Variants in GSTA1 observed in about 807,000 individuals in gnomAD.
GSTA1 encodes glutathione S-transferase A1.
A neutral mutation model predicts 21.5 loss-of-function variants in GSTA1; 23 were observed. The ratio of observed to expected loss-of-function variants is 1.07; its 90% confidence interval spans 0.77 to 1.52. The LOEUF (loss-of-function observed/expected upper bound fraction) is 1.52, where lower values mean the gene tolerates loss of function less well. Among genes scored for constraint, GSTA1 ranks in the 40% most tolerant of loss-of-function variants. The pLI is 0.00. For synonymous variants in GSTA1, 125 were observed against 90.0 expected, an observed-to-expected ratio of 1.39 and a Z score of -2.20; for missense variants, 301 against 264.2, an observed-to-expected ratio of 1.14 and a Z score of -0.96.
At chr6:52,793,066 C>T in intron 5 of GSTA1, 79 bp from the exon 6 acceptor site, 1 of 1,600,446 alleles carries the variant, frequency 6.2e-7, no homozygotes, top group Non-Finnish European at 8.6e-7. Flanking sequence ...GCCTCTCCAC[C>T]CTGACTTTCC....
chr6:52,799,179 A>G lies in GSTA1; in HGVS notation c.87+2T>C. 1.2e-6 allele frequency: 2 copies of G among 1,613,296 alleles called. No homozygotes were observed. The highest frequency in any genetic ancestry group is 8.5e-7 in the Non-Finnish European group (1 of 1,179,358). On this transcript the variant is annotated splice_donor_variant, in intron 2 of 6. Transcript: ENST00000334575. LOFTEE classifies it high-confidence loss of function. The stretch of plus-strand genomic sequence containing the variant: ...CTTAAGATGACCTAACTCAGAACCT[A>G]CCTCTACTCCAGCTGCAGCCAGGAG...
At chr6:52,796,789 C>T (rs1763601507) in intron 3 of GSTA1, among the ~76,000 whole-genome samples, 1 of 151,476 alleles carries the variant, frequency 6.6e-6, no homozygotes, top group Non-Finnish European at 1.5e-5. Context: ...ATGATCTACC[C>T]ACCTCAGCCT....
intron 3 of GSTA1, among the ~76,000 whole-genome samples, chr6:52,797,362 G>A (rs1333495898): frequency 6.6e-6 from 1 of 152,150 alleles, no homozygotes; most frequent in Non-Finnish European, 1.5e-5. Context: ...AGCGGTGGGA[G>A]ATTGTTCCTC....
chr6:52,800,055 T>C (rs985699344), intron 1 of GSTA1, among the ~76,000 whole-genome samples: 1 of 152,234 alleles, frequency 6.6e-6, no homozygotes, highest in African/African-American at 2.4e-5. Flanking sequence ...TTCTGTATTC[T>C]AACTCTATGG....
chr6:52,794,399 G>T, intron 4 of GSTA1, 133 bp from the exon 5 acceptor site: 1 of 763,852 alleles, frequency 1.3e-6, no homozygotes, highest in Non-Finnish European at 2.1e-6. Context: ...TTATAGTCTA[G>T]TCATTATGCT....
At chr6:52,795,653 T>C (rs1355564234) in intron 4 of GSTA1, among the ~76,000 whole-genome samples, 3 of 152,194 alleles carry the variant, frequency 2.0e-5, no homozygotes, top group South Asian at 2.1e-4. Flanking sequence ...TCTATCCATG[T>C]GTCAAGGTAA....
In GSTA1 at chr6:52,797,616, A is replaced by T. The variant is rs1439965343; in HGVS notation, c.109T>A (p.Ser37Thr). The T allele has an allele frequency of 1.9e-6, 3 of 1,607,454 alleles. No individual in the cohort carries two copies. The South Asian group carries it at 3.3e-5, about 18-fold the overall frequency. The change falls in exon 3 of 7, where the codon TCT becomes ACT. Residue 37 changes from serine to threonine, a missense_variant. Coordinates refer to ENST00000334575, the MANE Select transcript of GSTA1 (RefSeq NM_145740.5). Reference protein sequence around the residue: ...GVEFEEKFIKSAEDLDKLRND... With the variant: ...GVEFEEKFIKTAEDLDKLRND... ...CTTAACTTGTCCAAATCTTCTGCAG[A>T]TTTTATAAATTTCTCTTCAAACTGG...
chr6:52,796,421 T>A, intron 3 of GSTA1, 107 bp from the exon 4 acceptor site: 1 of 1,443,672 alleles, frequency 6.9e-7, no homozygotes, highest in Admixed American at 1.9e-5. Context: ...GGCAAAGAAA[T>A]TACTGCCTGG....
At chr6:52,793,308 G>A (rs1161810588) in intron 5 of GSTA1, among the ~76,000 whole-genome samples, 3 of 152,108 alleles carry the variant, frequency 2.0e-5, no homozygotes, top group Admixed American at 6.5e-5. Flanking sequence ...TCTGCCCCAG[G>A]CCCTACAGCG....
intron 5 of GSTA1, 126 bp downstream of exon 5, chr6:52,793,999 G>T: frequency 9.0e-7 from 1 of 1,114,326 alleles, no homozygotes; most frequent in Non-Finnish European, 1.3e-6. Context: ...TTGAGAGTCA[G>T]AGTGCTGCAT....
intron 2 of GSTA1, 105 bp from the exon 3 acceptor site, chr6:52,797,742 G>A (rs1763624144): frequency 9.8e-7 from 1 of 1,020,684 alleles, no homozygotes; most frequent in African/African-American, 1.6e-5. Flanking sequence ...CAAGATTTCT[G>A]AGTTTGGCAG....
At position 52,791,421 on chromosome 6, in the gene GSTA1, C is replaced by T. The variant is rs368126794; in HGVS notation, c.*437G>A. Reference sequence around the variant, plus strand: ...CTTTTATCAGAAATAAAATGACTGTCCAGGAAAAGAAGAAAATGTCTTTAT... The same window carrying T: ...CTTTTATCAGAAATAAAATGACTGTTCAGGAAAAGAAGAAAATGTCTTTAT... On this transcript the variant is annotated 3_prime_UTR_variant, in exon 7 of 7. Coordinates refer to ENST00000334575, the MANE Select transcript of GSTA1 (RefSeq NM_145740.5). Among the ~76,000 whole-genome samples, 137 of 152,184 alleles carry T rather than the reference C, an allele frequency of 9.0e-4. No homozygotes were observed. The highest frequency in any genetic ancestry group is 3.5e-4 in the Non-Finnish European group (24 of 68,022).
rs1262525481 is a variant in GSTA1 at position 52,796,270 on chromosome 6, C to G, written c.184G>C (p.Gly62Arg). The change falls in exon 4 of 7, where the codon GGG becomes CGG. Residue 62 changes from glycine (G) to arginine (R), a missense_variant. By Grantham distance (125) the Gly-to-Arg change is moderately radical (BLOSUM62 -2). Coordinates refer to ENST00000334575, the MANE Select transcript of GSTA1 (RefSeq NM_145740.5). Reference sequence around the variant, plus strand: ...GCTCTGGTCTGCACCAGCTTCATCCCATCAATCTCAACCATTGGCACTTGC... The same window carrying G: ...GCTCTGGTCTGCACCAGCTTCATCCGATCAATCTCAACCATTGGCACTTGC... ...FQQVPMVEID[G>R]MKLVQTRAIL... 2 of 1,613,754 alleles carry G rather than the reference C, an allele frequency of 1.2e-6. No homozygotes were observed. Among genetic ancestry groups the G allele is most frequent in the Non-Finnish European group, 1.7e-6 (2 of 1,179,966 alleles).
In GSTA1 at chr6:52,796,525, G is replaced by GA. The variant is rs1561912852; in HGVS notation, c.140-212_140-211insT. On this transcript the variant is annotated intron_variant, in intron 3 of 6. Coordinates refer to ENST00000334575, the MANE Select transcript of GSTA1 (RefSeq NM_145740.5). ...TGTGTGTGTGTGTGTGTGTGTGTGT[G>GA]TGTGTATATATATATATATTTTTTT... 2.3e-4 allele frequency among the ~76,000 whole-genome samples: 13 copies of GA among 56,558 alleles called. 1 individual carries two copies. The East Asian group carries it at 4.5e-3, about 20-fold the overall frequency. The allele number at this position is 56,558 out of a possible 152,430, so 37.1% of individuals were successfully genotyped here.
chr6:52,792,015 C>T, intron 6 of GSTA1, 35 bp from the exon 7 acceptor site: 2 of 1,612,248 alleles, frequency 1.2e-6, no homozygotes, highest in South Asian at 1.1e-5. Flanking sequence ...AGAGTGAAGC[C>T]AAGGGCTGAC....
At chr6:52,794,879 A>G (rs73437405) in intron 4 of GSTA1, among the ~76,000 whole-genome samples, 4 of 152,190 alleles carry the variant, frequency 2.6e-5, no homozygotes, top group South Asian at 2.1e-4. Flanking sequence ...GAAATTCTCT[A>G]TACAGTTACA....
intron 6 of GSTA1, 176 bp downstream of exon 6, chr6:52,792,680 C>T (rs748950327): frequency 1.2e-5 from 18 of 1,512,602 alleles, no homozygotes; most frequent in Non-Finnish European, 1.6e-5. Context: ...ATTTCCTTTC[C>T]ATAACAAAAG....
chr6:52,796,543 A>ATATATT (rs1300549721), intron 3 of GSTA1, among the ~76,000 whole-genome samples: 16 of 23,746 alleles, frequency 6.7e-4, no homozygotes, highest in South Asian at 3.2e-3. Flanking sequence ...ATATATATAT[A>ATATATT]TTTTTTTTTT....
Position 52,791,998 on chromosome 6 carries a change from C to G in GSTA1, c.547-18G>C. 3 of 1,613,848 alleles carry G rather than the reference C, an allele frequency of 1.9e-6. No individual in the cohort carries two copies. The highest frequency in any genetic ancestry group is 2.5e-6 in the Non-Finnish European group (3 of 1,179,854). On this transcript the variant is annotated intron_variant, in intron 6 of 6. Transcript: ENST00000334575. Reference sequence around the variant, plus strand: ...TTCAGGGCCTGTAATTCATAAAGCACAGCCTCAGAGTGAAGCCAAGGGCTG... The same window carrying G: ...TTCAGGGCCTGTAATTCATAAAGCAGAGCCTCAGAGTGAAGCCAAGGGCTG...
Sources: gnomAD v4.1 joint callset for allele counts (sites outside exome capture counted in the v4.1 genomes callset) on GRCh38, gnomAD v4.1.1 for gene constraint, MANE v1.5 for transcripts, NCBI Gene and HGNC (gene_info 2026-07-23, HGNC 2026-07-21) for gene names.